NUP43: variants seen among roughly 807,000 people sequenced by gnomAD.
The protein encoded by NUP43 is nucleoporin Nup43.
In NUP43, 32 loss-of-function variants were observed where a neutral mutation model predicts 47.3. The observed-to-expected ratio is 0.68, with a 90% CI of 0.51 to 0.91. NUP43 has a LOEUF of 0.91. NUP43 is among the 40% of genes least tolerant of loss of function. The pLI, the probability that NUP43 is intolerant of heterozygous loss-of-function variation, is 0.00. For synonymous variants in NUP43, 147 were observed against 158.4 expected (o/e 0.93, Z 0.54); for missense variants, 444 against 453.9 (o/e 0.98, Z 0.20).
rs1786005724 is a variant in NUP43, at chr6:149,746,408, C to G, written c.88G>C (p.Glu30Gln). The change falls in exon 1 of 8, where the codon GAG becomes CAG. Residue 30 changes from glutamate to glutamine, a missense_variant. By Grantham distance (29) the Glu-to-Gln change is conservative. Transcript: ENST00000340413. ...PLPPGSLQTA[E>Q]TFATGSWDNE... Reference sequence around the variant, plus strand: ...TCCCAAGATCCTGTAGCGAACGTCTCCGCGGTCTGTAAACTTCCCGGAGGC... The same window carrying G: ...TCCCAAGATCCTGTAGCGAACGTCTGCGCGGTCTGTAAACTTCCCGGAGGC... The G allele has an allele frequency of 6.2e-7, 1 of 1,614,186 alleles. No homozygotes were observed. The highest frequency in any genetic ancestry group is 8.5e-7 in the Non-Finnish European group (1 of 1,180,042).
In NUP43 at chr6:149,746,520, TG is replaced by T; in HGVS notation, c.-26del. 3 of 1,614,116 alleles carry T rather than the reference TG, an allele frequency of 1.9e-6. No individual in the cohort carries two copies. The highest frequency in any genetic ancestry group is 2.5e-6 in the Non-Finnish European group (3 of 1,180,004). ...TGCCGAAAGCGGCCGCAGCAGGTAC[TG>T]CAAAAAGCAAGCACAGTACGCGCCT... On this transcript the variant is annotated 5_prime_UTR_variant, in exon 1 of 8. Transcript: ENST00000340413.
intron 7 of NUP43, among the ~76,000 whole-genome samples, chr6:149,729,051 C>T (rs1230282946): frequency 2.0e-5 from 3 of 151,832 alleles, no homozygotes; most frequent in African/African-American, 7.3e-5. Flanking sequence ...AGTGCAGTGG[C>T]GTGACCTTGG....
At position 149,738,796 on chromosome 6, in the gene NUP43, G is replaced by C. The variant is rs769167803; in HGVS notation, c.503-18C>G. The stretch of plus-strand genomic sequence containing the variant: ...TGCATTGTCTAAAAATTTAAAAAAT[G>C]GTAGTATGTGTTAATGAGTCCCCTT... On this transcript the variant is annotated intron_variant, in intron 4 of 7. Transcript: ENST00000340413. The C allele has an allele frequency of 9.0e-6, 13 of 1,451,362 alleles. No homozygotes were observed. Among genetic ancestry groups the C allele is most frequent in the East Asian group, 7.6e-5 (3 of 39,526 alleles). The allele number at this position is 1,451,362 out of a possible 1,614,324, so 89.9% of individuals were successfully genotyped here.
chr6:149,749,172 C>T (rs1369186020), upstream of NUP43, among the ~76,000 whole-genome samples: 1 of 151,114 alleles, frequency 6.6e-6, no homozygotes, highest in Non-Finnish European at 1.5e-5. Context: ...ACCGGGGTTC[C>T]AAAGTCTCTG....
At chr6:149,746,101 G>C (rs1440054288) in intron 1 of NUP43, 39 bp from the exon 2 acceptor site, 1 of 1,598,394 alleles carries the variant, frequency 6.3e-7, no homozygotes, top group Non-Finnish European at 8.5e-7. Context: ...TGACATAAAC[G>C]TCAACTCTCG....
chr6:149,745,895 A>T (rs745523764), intron 2 of NUP43, 45 bp downstream of exon 2: 17 of 1,560,158 alleles, frequency 1.1e-5, no homozygotes, highest in Non-Finnish European at 1.4e-5. Flanking sequence ...TAAATGTATT[A>T]CTCAGGACTT....
In NUP43 at chr6:149,740,434, T is replaced by C. The variant is rs1311770953; in HGVS notation, c.503-1656A>G. Among the ~76,000 whole-genome samples the C allele has an allele frequency of 2.6e-5, 4 of 151,954 alleles. No individual in the cohort carries two copies. In the East Asian group the frequency reaches 5.8e-4, roughly 22 times the overall value. On this transcript the variant is annotated intron_variant, in intron 4 of 7. Coordinates refer to ENST00000340413, the MANE Select transcript of NUP43 (RefSeq NM_198887.3). ...TGACAAAGTCAAGAAATCAAGACCA[T>C]CCTGGCCAACATGTTGAAAGCCTGT...
chr6:149,731,754 TA>T lies in NUP43; in HGVS notation c.791-20del, dbSNP rs1562375499. 1.9e-6 allele frequency: 3 copies of T among 1,612,854 alleles called. No individual in the cohort carries two copies. The highest frequency in any genetic ancestry group is 2.5e-6 in the Non-Finnish European group (3 of 1,179,372). On this transcript the variant is annotated intron_variant, in intron 6 of 7. Transcript: ENST00000340413. ...TCCCACACTAAGAGACAAGAATCAATAAGCTCATTCCTGTGCAGATTCGCTG... is the reference window on the plus strand; with the variant it reads ...TCCCACACTAAGAGACAAGAATCAATAGCTCATTCCTGTGCAGATTCGCTG...
rs139531058 is a variant in NUP43, at chr6:149,735,463, A to C, written c.790+1008T>G. On this transcript the variant is annotated intron_variant, in intron 6 of 7. Coordinates refer to ENST00000340413, the MANE Select transcript of NUP43 (RefSeq NM_198887.3). ...ATTATCCTAAGAAAATAAGTACATA[A>C]GGCTGGGCATGGGCATAATGGCTAT... 1.5e-3 allele frequency among the ~76,000 whole-genome samples: 233 copies of C among 152,032 alleles called. 3 individuals carry two copies. Among genetic ancestry groups the C allele is most frequent in the African/African-American group, 5.3e-3 (219 of 41,408 alleles).
chr6:149,739,635 A>C (rs1785545663), intron 4 of NUP43, among the ~76,000 whole-genome samples: 1 of 151,958 alleles, frequency 6.6e-6, no homozygotes, highest in South Asian at 2.1e-4. Flanking sequence ...ATTTCTTTTT[A>C]ACTCTTAAGA....
At chr6:149,733,403 C>T (rs2115097091) in intron 6 of NUP43, among the ~76,000 whole-genome samples, 1 of 152,260 alleles carries the variant, frequency 6.6e-6, no homozygotes, top group Admixed American at 6.5e-5. Flanking sequence ...ACTTTAGGAA[C>T]ATAGGTCAGT....
intron 6 of NUP43, among the ~76,000 whole-genome samples, chr6:149,734,234 G>T (rs1193239884): frequency 1.3e-5 from 2 of 151,990 alleles, no homozygotes; most frequent in Non-Finnish European, 2.9e-5. Context: ...ACTCAGAAGG[G>T]CAAGGCAAGA....
intron 5 of NUP43, among the ~76,000 whole-genome samples, 189 bp from the exon 6 acceptor site, chr6:149,736,811 C>T (rs1785385042): frequency 6.6e-6 from 1 of 152,180 alleles, no homozygotes; most frequent in Non-Finnish European, 1.5e-5. Context: ...ACCTCAGCCT[C>T]CTGAGTTGCT....
intron 5 of NUP43, among the ~76,000 whole-genome samples, chr6:149,737,916 C>T (rs892877022): frequency 4.6e-5 from 7 of 152,066 alleles, no homozygotes; most frequent in Admixed American, 2.6e-4. Flanking sequence ...GTATTGAACT[C>T]CTGACCTCAA....
chr6:149,735,597 C>CGA (rs1386477627), intron 6 of NUP43, among the ~76,000 whole-genome samples: 2 of 35,992 alleles, frequency 5.6e-5, no homozygotes, highest in African/African-American at 8.7e-4. Flanking sequence ...GACCCTGTCT[C>CGA]CAAAAAAAAA....
chr6:149,728,031 A>G, intron 7 of NUP43: 1 of 985,432 alleles, frequency 1.0e-6, no homozygotes, highest in Non-Finnish European at 1.2e-6. Flanking sequence ...ATCCTTTAAA[A>G]TATGGCTGAA....
intron 2 of NUP43, among the ~76,000 whole-genome samples, chr6:149,745,155 C>T (rs1291013728): frequency 6.6e-6 from 1 of 151,916 alleles, no homozygotes; most frequent in Non-Finnish European, 1.5e-5. Flanking sequence ...AATCCCAGCA[C>T]TTTGGGAGGC....
chr6:149,744,460 T>A (rs1486345842), intron 2 of NUP43, among the ~76,000 whole-genome samples: 1 of 147,312 alleles, frequency 6.8e-6, no homozygotes, highest in Non-Finnish European at 1.5e-5. Context: ...CGAGGTGGGG[T>A]TGCAGTGAGC....
intron 2 of NUP43, among the ~76,000 whole-genome samples, chr6:149,745,046 G>A (rs1437861771): frequency 1.3e-5 from 2 of 150,754 alleles, no homozygotes; most frequent in African/African-American, 2.4e-5. Flanking sequence ...GATTACAAGC[G>A]CGCACCAGGG....
Sources: gnomAD v4.1 joint callset for allele counts (sites outside exome capture counted in the v4.1 genomes callset) on GRCh38, gnomAD v4.1.1 for gene constraint, MANE v1.5 for transcripts, NCBI Gene and HGNC (gene_info 2026-07-23, HGNC 2026-07-21) for gene names.